The following ZNRF3 variants were observed in gnomAD, a reference collection of about 807,000 sequenced individuals.
The protein encoded by ZNRF3 is E3 ubiquitin-protein ligase ZNRF3.
A neutral mutation model predicts 72.5 loss-of-function variants in ZNRF3; 23 were observed. That is an observed-to-expected ratio of 0.32 (90% CI 0.23 to 0.45). The LOEUF is 0.45. Ranked by LOEUF, ZNRF3 falls within the 20% of genes least tolerant of loss-of-function variation. The pLI, the probability that ZNRF3 is intolerant of heterozygous loss-of-function variation, is 1.00. For missense variants in ZNRF3, 1,169 were observed against 1,272.1 expected (o/e 0.92, Z 1.23); for synonymous variants, 610 against 545.3 (o/e 1.12, Z -1.65).
rs570070612 is a variant in ZNRF3, at chr22:28,888,413, A to C, written c.300+4347A>C. On this transcript the variant is annotated intron_variant, in intron 1 of 8. Transcript: ENST00000544604. ...GTGTGCTGACAGCTGACCTGGATTT[A>C]GACAGAAAGGGATTGCCTACTGTCT... 7.9e-5 allele frequency among the ~76,000 whole-genome samples: 12 copies of C among 152,338 alleles called. No homozygotes were observed. In the South Asian group the frequency reaches 2.3e-3, roughly 29 times the overall value.
At chr22:29,029,649 T>G (rs2036708394) in intron 2 of ZNRF3, among the ~76,000 whole-genome samples, 1 of 152,236 alleles carries the variant, frequency 6.6e-6, no homozygotes, top group Non-Finnish European at 1.5e-5. Context: ...GTTTTATCTA[T>G]ATAGATCAAA....
chr22:29,028,019 G>A (rs2123867823), intron 2 of ZNRF3, among the ~76,000 whole-genome samples: 1 of 152,258 alleles, frequency 6.6e-6, no homozygotes, highest in South Asian at 2.1e-4. Context: ...TGTTATAAAT[G>A]ATTTTGGTTT....
intron 1 of ZNRF3, among the ~76,000 whole-genome samples, chr22:28,972,296 C>G (rs891625816): frequency 6.6e-6 from 1 of 152,176 alleles, no homozygotes; most frequent in Non-Finnish European, 1.5e-5. Flanking sequence ...TCTACCTCCC[C>G]AGTGCTAGGC....
At chr22:28,935,914 C>T (rs1244422329) in intron 1 of ZNRF3, among the ~76,000 whole-genome samples, 2 of 152,152 alleles carry the variant, frequency 1.3e-5, no homozygotes, top group African/African-American at 2.4e-5. Flanking sequence ...GAAGTGTTGC[C>T]TGTACTTCCC....
intron 2 of ZNRF3, among the ~76,000 whole-genome samples, chr22:29,012,582 G>A (rs1188182171): frequency 1.3e-5 from 2 of 152,204 alleles, no homozygotes; most frequent in African/African-American, 2.4e-5. Flanking sequence ...GATAGTTGTG[G>A]ATAACTGAAG....
intron 1 of ZNRF3, among the ~76,000 whole-genome samples, chr22:28,900,023 T>C (rs1448688960): frequency 1.3e-5 from 2 of 152,170 alleles, no homozygotes; most frequent in Non-Finnish European, 2.9e-5. Context: ...ATTTCTTCCC[T>C]ACTTGTTGGA....
intron 1 of ZNRF3, among the ~76,000 whole-genome samples, chr22:28,946,565 T>A (rs998181372): frequency 6.6e-6 from 1 of 152,250 alleles, no homozygotes; most frequent in African/African-American, 2.4e-5. Context: ...GTCCATTTAC[T>A]AAATACGGAC....
chr22:28,974,159 C>T (rs1328579781), intron 1 of ZNRF3, among the ~76,000 whole-genome samples: 1 of 152,060 alleles, frequency 6.6e-6, no homozygotes, highest in Non-Finnish European at 1.5e-5. Context: ...GACGGAGTTT[C>T]ACCGAGTTAG....
At chr22:29,017,971 T>C (rs555014246) in intron 2 of ZNRF3, 3 of 518,918 alleles carry the variant, frequency 5.8e-6, no homozygotes, top group Admixed American at 1.9e-5. Flanking sequence ...TGAGGTAACA[T>C]GAATAACCTA....
chr22:28,988,819 C>T (rs965071686), intron 2 of ZNRF3, among the ~76,000 whole-genome samples: 9 of 152,128 alleles, frequency 5.9e-5, no homozygotes, highest in South Asian at 4.1e-4. Context: ...TGCTTTGCCC[C>T]GGTCTGGTGG....
intron 1 of ZNRF3, among the ~76,000 whole-genome samples, chr22:28,971,966 C>T (rs2035583231): frequency 6.6e-6 from 1 of 152,158 alleles, no homozygotes; most frequent in Non-Finnish European, 1.5e-5. Flanking sequence ...CTTCGGCCTC[C>T]CAAAGTGCTG....
intron 2 of ZNRF3, chr22:29,031,130 G>C (rs926884752): frequency 6.6e-6 from 1 of 152,338 alleles, no homozygotes; most frequent in African/African-American, 2.4e-5. Context: ...GGGGCTCCAA[G>C]TCTTGAAAGT....
In ZNRF3 at chr22:29,050,786, G is replaced by C. The variant is rs2037190064; in HGVS notation, c.2605G>C (p.Gly869Arg). ...RGPDTPRPHR[G>R]LGATREEERA... ...CCCGGATACCCCACGGCCCCACAGGGGCCTGGGAGCAACCCGGGAAGAGGA... is the reference window on the plus strand; with the variant it reads ...CCCGGATACCCCACGGCCCCACAGGCGCCTGGGAGCAACCCGGGAAGAGGA... Residue 869 changes from glycine to arginine, a missense_variant, in exon 8 of 9, where the codon GGC becomes CGC. Around this residue, in one of 2 missense-constraint regions of ZNRF3, gnomAD observed 783 missense variants for 731.4 expected, o/e 1.07. Transcript: ENST00000544604. 4 of 1,607,894 alleles carry C rather than the reference G, an allele frequency of 2.5e-6. No homozygotes were observed. The highest frequency in any genetic ancestry group is 3.4e-6 in the Non-Finnish European group (4 of 1,177,566).
Position 29,049,935 on chromosome 22 carries a change from C to A in ZNRF3, c.1754C>A (p.Thr585Asn). The A allele has an allele frequency of 6.2e-7, 1 of 1,609,980 alleles. No individual in the cohort carries two copies. The highest frequency in any genetic ancestry group is 8.5e-7 in the Non-Finnish European group (1 of 1,178,614). ...CAGGGCGTGTACGGGAGCTGCTCCA[C>A]CTTCCGCAGCTCCCTCAGCAGCGAC... Reference protein sequence around the residue: ...SNQGVYGSCSTFRSSLSSDYD... With the variant: ...SNQGVYGSCSNFRSSLSSDYD... The change falls in exon 8 of 9, where the codon ACC (threonine) becomes AAC (asparagine). Residue 585 changes from threonine to asparagine, a missense_variant. By Grantham distance (65) the Thr-to-Asn change is moderately conservative (BLOSUM62 0). This residue lies in a region of ZNRF3 where 783 missense variants were observed against 731.4 expected (regional missense o/e 1.07). Coordinates refer to ENST00000544604, the MANE Select transcript of ZNRF3 (RefSeq NM_001206998.2). This position sits in a 1 kb window ranked among gnomAD's most constrained non-coding sequence, Gnocchi z 5.2.
intron 2 of ZNRF3, among the ~76,000 whole-genome samples, chr22:28,996,920 A>G (rs2036053883): frequency 6.6e-6 from 1 of 152,180 alleles, no homozygotes; most frequent in South Asian, 2.1e-4. Context: ...TGTGGGGATG[A>G]GGGGCCTTAT....
intron 2 of ZNRF3, among the ~76,000 whole-genome samples, chr22:28,998,862 G>A (rs1468664200): frequency 2.0e-5 from 3 of 152,106 alleles, no homozygotes; most frequent in Admixed American, 1.3e-4. Flanking sequence ...GAGCACAGGC[G>A]GCTGGCCACC....
At chr22:29,034,428 A>G (rs2036825243) in intron 2 of ZNRF3, among the ~76,000 whole-genome samples, 1 of 152,160 alleles carries the variant, frequency 6.6e-6, no homozygotes, top group Admixed American at 6.5e-5. Context: ...TAAGGGGATG[A>G]TACTCCTCTC....
chr22:29,021,397 TTGTC>T (rs908481431), intron 2 of ZNRF3, among the ~76,000 whole-genome samples: 6 of 152,144 alleles, frequency 3.9e-5, no homozygotes, highest in Non-Finnish European at 7.4e-5. Flanking sequence ...TGGTGAAAGG[TTGTC>T]TGTGTCAAAA....
chr22:28,937,274 T>C (rs1418965556), intron 1 of ZNRF3, among the ~76,000 whole-genome samples: 1 of 146,680 alleles, frequency 6.8e-6, no homozygotes, highest in Non-Finnish European at 1.5e-5. Flanking sequence ...GCCAGACTTG[T>C]TTGTCTGAGA....
Sources: allele counts gnomAD v4.1 joint callset (sites outside exome capture counted in the v4.1 genomes callset), GRCh38; gene constraint gnomAD v4.1.1; regional missense constraint gnomAD v4.1.1; non-coding constraint Gnocchi (gnomAD v3.1); transcripts MANE v1.5; gene names NCBI Gene and HGNC (gene_info 2026-07-23, HGNC 2026-07-21).